The following GRIN2A variants were observed in gnomAD, a reference collection of about 807,000 sequenced individuals.
The protein encoded by GRIN2A is glutamate ionotropic receptor NMDA type subunit 2A.
A neutral mutation model predicts 113.4 loss-of-function variants in GRIN2A; 22 were observed. The ratio of observed to expected loss-of-function variants is 0.19; its 90% CI spans 0.14 to 0.28. The LOEUF is 0.28. Ranked by LOEUF, GRIN2A falls within the 10% of genes least tolerant of loss-of-function variation. The pLI, the probability that GRIN2A is intolerant of heterozygous loss-of-function variation, is 1.00. For synonymous variants in GRIN2A, 827 were observed against 738.4 expected (o/e 1.12, Z -1.94); for missense variants, 1,502 against 1,887.0 (o/e 0.80, Z 3.78).
At chr16:10,111,418 G>A in intron 2 of GRIN2A, 3 of 531,706 alleles carry the variant, frequency 5.6e-6, no homozygotes, top group Non-Finnish European at 6.9e-6. Context: ...CACCGGCTAC[G>A]TGCCCCAGGA....
intron 11 of GRIN2A, among the ~76,000 whole-genome samples, chr16:9,772,283 C>T (rs1250005237): frequency 6.6e-6 from 1 of 152,212 alleles, no homozygotes; most frequent in Non-Finnish European, 1.5e-5. Flanking sequence ...CTCAGACCTG[C>T]ACGGCTGCTT....
intron 2 of GRIN2A, among the ~76,000 whole-genome samples, chr16:10,000,237 G>T (rs1216115621): frequency 6.6e-6 from 1 of 152,156 alleles, no homozygotes; most frequent in East Asian, 1.9e-4. Context: ...CACATCCACT[G>T]GTTCCAAGCA....
intron 2 of GRIN2A, among the ~76,000 whole-genome samples, chr16:10,117,137 C>T (rs1596524009): frequency 6.6e-6 from 1 of 151,890 alleles, no homozygotes; most frequent in South Asian, 2.1e-4. Flanking sequence ...ATCTGGATTT[C>T]GTGTTCCTCC....
At chr16:10,047,442 G>A (rs962556001) in intron 2 of GRIN2A, among the ~76,000 whole-genome samples, 6 of 152,210 alleles carry the variant, frequency 3.9e-5, no homozygotes, top group Non-Finnish European at 7.3e-5. Context: ...ATAAATGTTA[G>A]CTTTGCATAC....
At chr16:9,972,632 G>T (rs2045695050) in intron 2 of GRIN2A, among the ~76,000 whole-genome samples, 1 of 152,234 alleles carries the variant, frequency 6.6e-6, no homozygotes, top group Non-Finnish European at 1.5e-5. Context: ...TTACTGGATA[G>T]AACTAACATG....
chr16:9,968,632 A>T (rs1309424915), intron 2 of GRIN2A, among the ~76,000 whole-genome samples: 1 of 151,578 alleles, frequency 6.6e-6, no homozygotes, highest in Admixed American at 6.6e-5. Context: ...TTTTTGACAG[A>T]GTTTTGCTCT....
At chr16:9,785,363 C>T (rs1167420215) in intron 11 of GRIN2A, among the ~76,000 whole-genome samples, 2 of 144,520 alleles carry the variant, frequency 1.4e-5, no homozygotes, top group African/African-American at 5.2e-5. Context: ...ACCACATGTT[C>T]TTACTCATAG....
intron 2 of GRIN2A, among the ~76,000 whole-genome samples, chr16:9,962,763 A>G (rs1275524978): frequency 1.3e-5 from 2 of 152,174 alleles, no homozygotes; most frequent in African/African-American, 4.8e-5. Context: ...CAGCCATCCC[A>G]TTACTGAGTA....
chr16:9,794,688 A>G (rs1902858990), intron 11 of GRIN2A: 1 of 152,238 alleles, frequency 6.6e-6, no homozygotes. Context: ...GCAATGAGCC[A>G]GAACAGAAAA....
At chr16:9,879,579 C>A (rs1413550131) in intron 4 of GRIN2A, among the ~76,000 whole-genome samples, 3 of 152,114 alleles carry the variant, frequency 2.0e-5, no homozygotes, top group African/African-American at 7.2e-5. Context: ...TAAATAGGCC[C>A]TTAAAAAATT....
intron 2 of GRIN2A, among the ~76,000 whole-genome samples, chr16:10,160,021 G>T (rs1271031586): frequency 6.6e-6 from 1 of 152,206 alleles, no homozygotes; most frequent in Non-Finnish European, 1.5e-5. Context: ...GTCTCCAGAG[G>T]GAGCACAGCT....
At chr16:9,898,280 C>T (rs1488914327) in intron 3 of GRIN2A, among the ~76,000 whole-genome samples, 1 of 152,098 alleles carries the variant, frequency 6.6e-6, no homozygotes, top group Non-Finnish European at 1.5e-5. Context: ...ACTACAAATG[C>T]AATGCTTTTT....
chr16:10,119,240 A>T (rs961762625), intron 2 of GRIN2A, among the ~76,000 whole-genome samples: 2 of 152,220 alleles, frequency 1.3e-5, no homozygotes, highest in Admixed American at 6.5e-5. Flanking sequence ...GAAGATGGAG[A>T]AAGTTATAAA....
rs932180759 is a variant in GRIN2A at position 9,838,317 on chromosome 16, A to G, written c.1651+2330T>C. On this transcript the variant is annotated intron_variant, in intron 7 of 12. Transcript: ENST00000330684. ...CTGGGTATCTACCCAAAGGAAAAGA[A>G]GTTATTATATCAAAAAGACACTTGC... is the stretch of plus-strand genomic sequence containing the variant. Among the ~76,000 whole-genome samples, 9 of 152,326 alleles carry G rather than the reference A, an allele frequency of 5.9e-5. No individual in the cohort carries two copies. The East Asian group carries it at 1.7e-3, about 29-fold the overall frequency.
chr16:9,881,684 A>G (rs2043483862), intron 4 of GRIN2A, among the ~76,000 whole-genome samples: 1 of 152,292 alleles, frequency 6.6e-6, no homozygotes. Context: ...TCTGCTATTG[A>G]ATACCAGAGA....
chr16:9,958,820 GC>G (rs2045365717), intron 2 of GRIN2A, among the ~76,000 whole-genome samples: 1 of 152,122 alleles, frequency 6.6e-6, no homozygotes, highest in South Asian at 2.1e-4. Context: ...AGCATAAACT[GC>G]CTTAACAGAC....
chr16:9,911,571 T>A (rs2044138495), intron 3 of GRIN2A, among the ~76,000 whole-genome samples: 1 of 152,210 alleles, frequency 6.6e-6, no homozygotes. Flanking sequence ...TCGAGAGTCC[T>A]GAGCACCATC....
chr16:9,916,080 A>G (rs2044243493), intron 3 of GRIN2A, among the ~76,000 whole-genome samples: 1 of 152,092 alleles, frequency 6.6e-6, no homozygotes, highest in Non-Finnish European at 1.5e-5. Context: ...AGTTAGGTCA[A>G]TCTCTTTGTG....
chr16:9,957,613 T>C (rs1056581983), intron 2 of GRIN2A, among the ~76,000 whole-genome samples: 1 of 152,128 alleles, frequency 6.6e-6, no homozygotes, highest in African/African-American at 2.4e-5. Flanking sequence ...CAGCTTCTAA[T>C]AGGAAGGGAG....
Sources: allele counts gnomAD v4.1 joint callset (sites outside exome capture counted in the v4.1 genomes callset), GRCh38; gene constraint gnomAD v4.1.1; transcripts MANE v1.5; gene names NCBI Gene and HGNC (gene_info 2026-07-23, HGNC 2026-07-21).